FN1: variants seen among roughly 807,000 people sequenced by gnomAD.
The protein encoded by FN1 is fibronectin 1, also known as fibronectin.
A neutral mutation model predicts 297.3 loss-of-function variants in FN1; 106 were observed. The ratio of observed to expected loss-of-function variants is 0.36; its 90% CI spans 0.30 to 0.42. FN1 has a LOEUF of 0.42. FN1 is among the 10% of genes least tolerant of loss of function. The pLI is 1.00. For synonymous variants in FN1, 1,149 were observed against 1,152.6 expected (o/e 1.00, Z 0.06); for missense variants, 2,690 against 3,124.9 (o/e 0.86, Z 3.32).
At position 215,423,394 on chromosome 2, in the gene FN1, T is replaced by C; in HGVS notation, c.1349A>G (p.Gln450Arg). ...AAACTTCTGGTCGGCATCATAGTTC[T>C]GTGTGGTCCCACACCACTTCATGTT... ...RDNMKWCGTT[Q>R]NYDADQKFGF... The change falls in exon 9 of 46, where the codon CAG (glutamine) becomes CGG (arginine). Residue 450 changes from glutamine to arginine, a missense_variant. Transcript: ENST00000354785. 6.2e-7 allele frequency: 1 copy of C among 1,614,230 alleles called. No individual in the cohort carries two copies. The highest frequency in any genetic ancestry group is 1.7e-5 in the Admixed American group (1 of 60,024).
At position 215,377,731 on chromosome 2, in the gene FN1, G is replaced by T. The variant is rs548817649; in HGVS notation, c.5710+444C>A. On this transcript the variant is annotated intron_variant, in intron 35 of 45. Transcript: ENST00000354785. ...TTAAGATATAGCAGAAGCCAGTGGG[G>T]TCTCCCCAAGCTTAGCTCTATGAAA... is the stretch of plus-strand genomic sequence containing the variant. Among the ~76,000 whole-genome samples, 22 of 150,326 alleles carry T rather than the reference G, an allele frequency of 1.5e-4. No homozygotes were observed. The Admixed American group carries it at 1.5e-3, about 10-fold the overall frequency.
At chr2:215,373,256 C>T (rs2056593541) in intron 39 of FN1, 66 bp downstream of exon 39, 3 of 1,270,654 alleles carry the variant, frequency 2.4e-6, no homozygotes, top group African/African-American at 1.5e-5. Context: ...TTTCATATTG[C>T]AAGATTGCTC....
chr2:215,394,506 T>C, intron 24 of FN1, 22 bp downstream of exon 24: 3 of 1,585,462 alleles, frequency 1.9e-6, no homozygotes, highest in Non-Finnish European at 2.6e-6. Flanking sequence ...ACTCTCAGGA[T>C]AGCAGCTTAT....
In FN1 at chr2:215,383,541, A is replaced by G. The variant is rs1192314473; in HGVS notation, c.4895-58T>C. The G allele has an allele frequency of 1.9e-6, 3 of 1,559,668 alleles. No individual in the cohort carries two copies. In the African/African-American group the frequency reaches 4.1e-5, roughly 21 times the overall value. ...CCCCAGTCCTTGGAGACAAGATTGG[A>G]CAAGTCCTCCTCTCTAGGTCTGGTA... On this transcript the variant is annotated intron_variant, in intron 30 of 45. Transcript: ENST00000354785.
chr2:215,414,921 A>G lies in FN1; in HGVS notation c.1857T>C (p.Thr619=), dbSNP rs1389848613. The G allele has an allele frequency of 6.2e-7, 1 of 1,613,870 alleles. No homozygotes were observed. Among genetic ancestry groups the G allele is most frequent in the African/African-American group, 1.3e-5 (1 of 74,918 alleles). The change falls in exon 13 of 46, where the codon ACT becomes ACC. Residue 619 remains threonine (T), a synonymous_variant. Coordinates refer to ENST00000354785, the MANE Select transcript of FN1 (RefSeq NM_212482.4). ...SGPVEVFITE[T]PSQPNSHPIQ... is the part of the protein sequence containing the mutation. ...TGGGGTGGGAGTTGGGCTGACTCGG[A>G]GTCTCAGTGATAAATACTTCGACAG...
At chr2:215,364,055 TC>T (rs143968915) in intron 44 of FN1, among the ~76,000 whole-genome samples, 1 of 152,334 alleles carries the variant, frequency 6.6e-6, no homozygotes, top group African/African-American at 2.4e-5. Context: ...CTCAGCCAGT[TC>T]ATGCTTCTCT....
At chr2:215,408,573 T>A (rs2062114067) in intron 15 of FN1, 147 bp from the exon 16 acceptor site, 1 of 788,548 alleles carries the variant, frequency 1.3e-6, no homozygotes, top group Admixed American at 2.1e-5. Context: ...TCAGTGATTA[T>A]TATTATTATT....
chr2:215,379,141 A>G lies in FN1; in HGVS notation c.5611T>C (p.Ser1871Pro). The G allele has an allele frequency of 6.2e-7, 1 of 1,614,124 alleles. No individual in the cohort carries two copies. The change falls in exon 34 of 46, where the codon TCA becomes CCA. Residue 1871 changes from serine (S) to proline (P), a missense_variant. By Grantham distance (74) the Ser-to-Pro change is moderately conservative (BLOSUM62 -1). This residue lies in a region of FN1 where 1,743 missense variants were observed against 1,945.2 expected (regional missense o/e 0.90). Coordinates refer to ENST00000354785, the MANE Select transcript of FN1 (RefSeq NM_212482.4). ...CGGTCATGTCTTACCATAAGTCCTG[A>G]TACAACCACGGATGAGCTGTCAGGA... ...LAPDSSSVVV[S>P]GLMVATKYEV...
Position 215,369,996 on chromosome 2 carries a change from G to C in FN1, c.6853+298C>G, listed in dbSNP as rs1250210. ...TGCCCTATATCAACTCAGATACTCA[G>C]AAGTAAGGACTCAGAGTGTTGTACT... is the stretch of plus-strand genomic sequence containing the variant. On this transcript the variant is annotated intron_variant, in intron 41 of 45. Transcript: ENST00000354785. Among the ~76,000 whole-genome samples the C allele has an allele frequency of 0.89, 135,911 of 152,214 alleles. 62,589 individuals carry two copies. The highest frequency in any genetic ancestry group is 1 in the East Asian group (5,182 of 5,182).
chr2:215,427,033 G>A (rs1052031766), intron 6 of FN1, among the ~76,000 whole-genome samples: 1 of 151,720 alleles, frequency 6.6e-6, no homozygotes, highest in East Asian at 1.9e-4. Flanking sequence ...CCGCCACAAC[G>A]CCTGGTTAAT....
chr2:215,387,301 C>T (rs1486516660), intron 27 of FN1, among the ~76,000 whole-genome samples: 1 of 152,150 alleles, frequency 6.6e-6, no homozygotes, highest in African/African-American at 2.4e-5. Context: ...TTTTCAAATT[C>T]TTCAGTGTTC....
intron 20 of FN1, among the ~76,000 whole-genome samples, chr2:215,401,193 G>GAAA: frequency 1.0e-5 from 1 of 99,546 alleles, no homozygotes; most frequent in South Asian, 3.1e-4. Flanking sequence ...GAGAGAGAAA[G>GAAA]AAAGAAAAGA....
Position 215,372,052 on chromosome 2 carries a change from G to T in FN1, c.6571C>A (p.Pro2191Thr), listed in dbSNP as rs773994420. The change falls in exon 40 of 46, where the codon CCA becomes ACA. Residue 2191 changes from proline to threonine, a missense_variant. Physicochemically the swap from Pro to Thr is conservative, Grantham distance 38. Coordinates refer to ENST00000354785, the MANE Select transcript of FN1 (RefSeq NM_212482.4). ...PREDVDYHLY[P>T]HGPGLNPNAS... ...TTTGGATTGAGTCCCGGACCGTGTG[G>T]GTACAGGTGATAGTCTACATCTTCC... The T allele has an allele frequency of 6.2e-7, 1 of 1,614,168 alleles. No individual in the cohort carries two copies. The highest frequency in any genetic ancestry group is 8.5e-7 in the Non-Finnish European group (1 of 1,180,034).
intron 25 of FN1, 162 bp from the exon 26 acceptor site, chr2:215,391,976 G>GTTT: frequency 1.5e-6 from 1 of 676,308 alleles, no homozygotes; most frequent in Middle Eastern, 4.0e-4. Context: ...GTGTACTACT[G>GTTT]TTAAAAATAA....
At chr2:215,422,282 T>A in intron 9 of FN1, 39 bp from the exon 10 acceptor site, 1 of 1,595,248 alleles carries the variant, frequency 6.3e-7, no homozygotes, top group Non-Finnish European at 8.6e-7. Flanking sequence ...TGATAAATGA[T>A]CACCAGGTCT....
chr2:215,403,782 G>A (rs909018235), intron 20 of FN1, among the ~76,000 whole-genome samples: 1 of 152,148 alleles, frequency 6.6e-6, no homozygotes, highest in African/African-American at 2.4e-5. Flanking sequence ...TTTAAGAAAA[G>A]AGCGATTCCG....
chr2:215,406,137 TA>T, intron 19 of FN1, 100 bp downstream of exon 19: 1 of 1,231,808 alleles, frequency 8.1e-7, no homozygotes, highest in Non-Finnish European at 1.2e-6. Flanking sequence ...TCCCTCTCTC[TA>T]AGCCATACAC....
chr2:215,411,054 G>A (rs2062555084), intron 13 of FN1, among the ~76,000 whole-genome samples: 1 of 152,178 alleles, frequency 6.6e-6, no homozygotes, highest in African/African-American at 2.4e-5. Context: ...CAACGAGTCT[G>A]GTTTTGTGAC....
At chr2:215,430,561 A>G (rs1337800526) in intron 5 of FN1, among the ~76,000 whole-genome samples, 154 bp downstream of exon 5, 8 of 152,212 alleles carry the variant, frequency 5.3e-5, no homozygotes, top group Non-Finnish European at 1.0e-4. Context: ...AAGATGCGGA[A>G]TAAGTTGGTT....
Sources: gnomAD v4.1 joint callset for allele counts (sites outside exome capture counted in the v4.1 genomes callset) on GRCh38, gnomAD v4.1.1 for gene constraint, gnomAD v4.1.1 regional missense constraint, MANE v1.5 for transcripts, NCBI Gene and HGNC (gene_info 2026-07-23, HGNC 2026-07-21) for gene names.